Variants in CDH4 observed in about 807,000 individuals in gnomAD.
CDH4 encodes cadherin-4.
A neutral mutation model predicts 86.0 loss-of-function variants in CDH4; 33 were observed. The ratio of observed to expected loss-of-function variants is 0.38; its 90% CI spans 0.29 to 0.51. The LOEUF is 0.51. Among genes scored for constraint, CDH4 ranks in the 20% least tolerant of loss-of-function variants. The probability of loss-of-function intolerance (pLI) is 0.86; values close to 1 mark genes in which losing one functional copy is unlikely to be tolerated. For synonymous variants in CDH4, 555 were observed against 549.4 expected, an observed-to-expected ratio of 1.01 and a Z score of -0.14; for missense variants, 1,114 against 1,307.4, an observed-to-expected ratio of 0.85 and a Z score of 2.28.
chr20:61,422,193 G>A (rs1464861464), intron 2 of CDH4, among the ~76,000 whole-genome samples: 5 of 152,062 alleles, frequency 3.3e-5, no homozygotes, highest in Admixed American at 2.0e-4. Context: ...TTGGGAGGCC[G>A]AGGTGGGTGG....
At chr20:61,484,004 T>G (rs966130288) in intron 2 of CDH4, among the ~76,000 whole-genome samples, 9 of 152,164 alleles carry the variant, frequency 5.9e-5, no homozygotes, top group African/African-American at 9.7e-5. Context: ...TCCTTTGGCC[T>G]TGTGCTCACT....
intron 2 of CDH4, among the ~76,000 whole-genome samples, chr20:61,562,082 G>T (rs1157314378): frequency 1.5e-5 from 2 of 133,352 alleles, no homozygotes; most frequent in South Asian, 5.2e-4. Context: ...AGGGGCCTCC[G>T]TGTGGAGAGG....
chr20:61,877,976 G>A (rs1053108314), intron 7 of CDH4, among the ~76,000 whole-genome samples: 2 of 152,124 alleles, frequency 1.3e-5, no homozygotes, highest in Non-Finnish European at 2.9e-5. Context: ...GACTGTGACA[G>A]GGTCATCACC....
intron 2 of CDH4, among the ~76,000 whole-genome samples, chr20:61,491,063 A>G (rs975037699): frequency 1.6e-4 from 24 of 152,192 alleles, no homozygotes; most frequent in African/African-American, 5.8e-4. Flanking sequence ...AGAATAACAG[A>G]ATTTTATCAT....
chr20:61,758,349 C>T (rs909311216), intron 3 of CDH4, among the ~76,000 whole-genome samples: 1 of 152,180 alleles, frequency 6.6e-6, no homozygotes, highest in Non-Finnish European at 1.5e-5. Context: ...CTCAGTGCTC[C>T]ACTGTGGGAT....
chr20:61,726,646 ACCACCATC>A (rs1259394343), intron 2 of CDH4, among the ~76,000 whole-genome samples: 5 of 151,722 alleles, frequency 3.3e-5, no homozygotes, highest in Non-Finnish European at 7.4e-5. Flanking sequence ...CAGTCCCATC[ACCACCATC>A]ATGACCATCA....
intron 6 of CDH4, among the ~76,000 whole-genome samples, chr20:61,862,653 C>T (rs538658271): frequency 1.1e-3 from 160 of 152,310 alleles, no homozygotes; most frequent in African/African-American, 3.8e-3. Context: ...AGAGAACGAG[C>T]TCTCAGGGCT....
At chr20:61,863,293 G>A (rs1983408720) in intron 6 of CDH4, among the ~76,000 whole-genome samples, 1 of 152,238 alleles carries the variant, frequency 6.6e-6, no homozygotes, top group Non-Finnish European at 1.5e-5. Flanking sequence ...AGCCGGGGCG[G>A]GGGATGCTGT....
intron 15 of CDH4, among the ~76,000 whole-genome samples, chr20:61,934,701 G>A (rs865917432): frequency 1.7e-4 from 26 of 152,072 alleles, no homozygotes; most frequent in African/African-American, 6.0e-4. Flanking sequence ...CCTGGTCTCA[G>A]GGCCCAGGCC....
At chr20:61,362,755 C>T (rs28564168) in intron 2 of CDH4, among the ~76,000 whole-genome samples, 1 of 152,018 alleles carries the variant, frequency 6.6e-6, no homozygotes, top group Non-Finnish European at 1.5e-5. Context: ...ACAGGGGCAC[C>T]TGAGACAGCA....
At chr20:61,468,027 C>T (rs920937224) in intron 2 of CDH4, among the ~76,000 whole-genome samples, 2 of 152,202 alleles carry the variant, frequency 1.3e-5, no homozygotes, top group Admixed American at 1.3e-4. Flanking sequence ...GTGTTATTCT[C>T]CCAGCACAGG....
At chr20:61,371,338 G>C (rs944252368) in intron 2 of CDH4, among the ~76,000 whole-genome samples, 15 of 152,200 alleles carry the variant, frequency 9.9e-5, no homozygotes, top group Non-Finnish European at 4.4e-5. Flanking sequence ...CTGAGGCCGG[G>C]GTTGGATGAA....
In CDH4 at chr20:61,708,251, G is replaced by A. The variant is rs1040634011; in HGVS notation, c.170-35312G>A. Among the ~76,000 whole-genome samples the A allele has an allele frequency of 2.4e-4, 37 of 152,142 alleles. No homozygotes were observed. Among genetic ancestry groups the A allele is most frequent in the Non-Finnish European group, 4.3e-4 (29 of 68,000 alleles). On this transcript the variant is annotated intron_variant, in intron 2 of 15. Coordinates refer to ENST00000614565, the MANE Select transcript of CDH4 (RefSeq NM_001794.5). The surrounding 1 kb of genome is among the most constrained non-coding windows in gnomAD (Gnocchi z 4.5). Reference sequence around the variant, plus strand: ...AGGGCTGAGTGTAGCGTGGCCAGCAGGGGGTTGACTTTTACCCCGAACCAG... The same window carrying A: ...AGGGCTGAGTGTAGCGTGGCCAGCAAGGGGTTGACTTTTACCCCGAACCAG...
At chr20:61,300,457 G>A (rs1025321746) in intron 2 of CDH4, among the ~76,000 whole-genome samples, 1 of 152,160 alleles carries the variant, frequency 6.6e-6, no homozygotes, top group South Asian at 2.1e-4. Context: ...CGGCCTCTGG[G>A]TGAAGAGGAC....
intron 2 of CDH4, chr20:61,437,522 A>G (rs2085290627): frequency 6.6e-6 from 1 of 152,150 alleles, no homozygotes; most frequent in Admixed American, 6.5e-5. Flanking sequence ...GGCTCCAGTC[A>G]CTTCATCCTA....
Position 61,830,781 on chromosome 20 carries a change from T to G in CDH4, c.577-13887T>G, listed in dbSNP as rs775184096. On this transcript the variant is annotated intron_variant, in intron 4 of 15. Transcript: ENST00000614565. Reference sequence around the variant, plus strand: ...CACTCCGCGGTCATTTACTTCCGCTTCTGGGCGCCCTTTCTTGCCTCTACA... The same window carrying G: ...CACTCCGCGGTCATTTACTTCCGCTGCTGGGCGCCCTTTCTTGCCTCTACA... Among the ~76,000 whole-genome samples the G allele has an allele frequency of 6.5e-4, 99 of 152,238 alleles. 3 individuals are homozygous for G. The highest frequency in any genetic ancestry group is 4.0e-4 in the Non-Finnish European group (27 of 68,042).
chr20:61,865,798 AGT>A (rs1268964716), intron 6 of CDH4, among the ~76,000 whole-genome samples: 1 of 150,304 alleles, frequency 6.7e-6, no homozygotes, highest in Non-Finnish European at 1.5e-5. Flanking sequence ...TGAGCTAGTT[AGT>A]GTAGATGATA....
intron 2 of CDH4, among the ~76,000 whole-genome samples, chr20:61,682,817 G>A (rs1234692469): frequency 6.6e-6 from 1 of 152,092 alleles, no homozygotes; most frequent in East Asian, 1.9e-4. Flanking sequence ...TCTCACATTT[G>A]TAGGTTTATG....
rs66595166 is a variant in CDH4, at chr20:61,393,228, G to T, written c.169+138291G>T. On this transcript the variant is annotated intron_variant, in intron 2 of 15. Coordinates refer to ENST00000614565, the MANE Select transcript of CDH4 (RefSeq NM_001794.5). The surrounding 1 kb of genome is among the most constrained non-coding windows in gnomAD (Gnocchi z 4.3). ...GGTCCTCGCGGGAGCTTCCCTGGGG[G>T]TGCAGGACCCAGTGTTCCCTCCAAC... Among the ~76,000 whole-genome samples, 7,664 of 152,168 alleles carry T rather than the reference G, an allele frequency of 0.05. 342 individuals are homozygous for T. The highest frequency in any genetic ancestry group is 0.16 in the East Asian group (842 of 5,148).
Sources: gnomAD v4.1 joint callset for allele counts (sites outside exome capture counted in the v4.1 genomes callset) on GRCh38, gnomAD v4.1.1 for gene constraint, Gnocchi (gnomAD v3.1) non-coding constraint, MANE v1.5 for transcripts, NCBI Gene and HGNC (gene_info 2026-07-23, HGNC 2026-07-21) for gene names.